DNAI1: variants seen among roughly 807,000 people sequenced by gnomAD.
The protein encoded by DNAI1 is dynein, axonemal, intermediate polypeptide 1.
A neutral mutation model predicts 92.0 loss-of-function variants in DNAI1; 67 were observed. That is an observed-to-expected ratio of 0.73 (90% confidence interval 0.60 to 0.89). The LOEUF (loss-of-function observed/expected upper bound fraction) is 0.89. Ranked by LOEUF, DNAI1 falls within the 40% of genes least tolerant of loss-of-function variation. The pLI is 0.00. For missense variants in DNAI1, 839 were observed against 866.6 expected (o/e 0.97, Z 0.40); for synonymous variants, 323 against 319.6 (o/e 1.01, Z -0.11).
chr9:34,506,633 T>A lies in DNAI1; in HGVS notation c.1070T>A (p.Phe357Tyr), dbSNP rs1471785511. 1 of 1,614,042 alleles carries A rather than the reference T, an allele frequency of 6.2e-7. No individual in the cohort carries two copies. The highest frequency in any genetic ancestry group is 1.1e-5 in the South Asian group (1 of 91,080). ...GCCCATCTTCCCTGGGTAGATGACT[T>A]CATGAAGCAGAGCCGGGGCATGCTG... ...LFAVGYGSYD[F>Y]MKQSRGMLLL... The change falls in exon 13 of 20, where the codon TTC becomes TAC. Residue 357 changes from phenylalanine (F) to tyrosine (Y), a missense_variant. Transcript: ENST00000242317.
At chr9:34,481,389 T>G (rs1824351165) in intron 1 of DNAI1, among the ~76,000 whole-genome samples, 1 of 152,206 alleles carries the variant, frequency 6.6e-6, no homozygotes, top group South Asian at 2.1e-4. Context: ...CATGGGTCAG[T>G]CCCACTGATG....
chr9:34,492,633 C>T lies in DNAI1; in HGVS notation c.682-561C>T, dbSNP rs1385188018. On this transcript the variant is annotated intron_variant, in intron 8 of 19. Transcript: ENST00000242317. The stretch of plus-strand genomic sequence containing the variant: ...CTCCTGGGCTCAAGCGATCCTCCCA[C>T]CTCAGCCTGCTGAGTAGCTGGGACT... Among the ~76,000 whole-genome samples the T allele has an allele frequency of 2.7e-5, 4 of 150,710 alleles. 1 individual carries two copies. In the South Asian group the frequency reaches 8.4e-4, roughly 32 times the overall value.
chr9:34,465,307 A>G (rs1186819423), intron 1 of DNAI1, among the ~76,000 whole-genome samples: 2 of 152,232 alleles, frequency 1.3e-5, no homozygotes, highest in Non-Finnish European at 2.9e-5. Context: ...ACTAGAGCCA[A>G]GTCTCTGAGG....
chr9:34,499,625 C>G (rs1196006905), intron 10 of DNAI1, among the ~76,000 whole-genome samples: 2 of 152,106 alleles, frequency 1.3e-5, no homozygotes, highest in African/African-American at 4.8e-5. Context: ...GAAATTAACT[C>G]TGCTCAAAAG....
chr9:34,470,843 C>A (rs573726802), intron 1 of DNAI1, among the ~76,000 whole-genome samples: 1 of 152,218 alleles, frequency 6.6e-6, no homozygotes, highest in South Asian at 2.1e-4. Context: ...AGTTCAAATG[C>A]ATTTCAAAAG....
intron 19 of DNAI1, among the ~76,000 whole-genome samples, chr9:34,518,647 A>G (rs1419608064): frequency 6.6e-6 from 1 of 152,204 alleles, no homozygotes; most frequent in Non-Finnish European, 1.5e-5. Flanking sequence ...ATGTGTTCTT[A>G]ATTTTCTGAG....
intron 16 of DNAI1, 35 bp from the exon 17 acceptor site, chr9:34,514,359 C>T: frequency 6.2e-7 from 1 of 1,610,490 alleles, no homozygotes; most frequent in Middle Eastern, 1.7e-4. Context: ...GCTGACCTTT[C>T]TCTCACTTCT....
At chr9:34,482,571 C>G (rs1824382437) in intron 1 of DNAI1, among the ~76,000 whole-genome samples, 1 of 151,984 alleles carries the variant, frequency 6.6e-6, no homozygotes, top group African/African-American at 2.4e-5. Context: ...CAGCTAGATA[C>G]AGAGTGTTGA....
intron 13 of DNAI1, among the ~76,000 whole-genome samples, chr9:34,509,899 C>CAAA (rs141472357): frequency 2.9e-5 from 3 of 105,072 alleles, no homozygotes; most frequent in Non-Finnish European, 4.1e-5. Flanking sequence ...GACTCCGTCT[C>CAAA]AAAAAAAAAA....
intron 9 of DNAI1, among the ~76,000 whole-genome samples, chr9:34,494,888 G>A (rs1824685287): frequency 6.6e-6 from 1 of 152,254 alleles, no homozygotes; most frequent in South Asian, 2.1e-4. Context: ...CCAAGTACTG[G>A]GCCAGGCTGT....
intron 12 of DNAI1, among the ~76,000 whole-genome samples, chr9:34,502,974 C>T (rs777248316): frequency 4.4e-4 from 67 of 152,274 alleles, no homozygotes; most frequent in Non-Finnish European, 6.9e-4. Flanking sequence ...CTACACATAA[C>T]GGACAATCAT....
intron 1 of DNAI1, among the ~76,000 whole-genome samples, chr9:34,459,775 T>G (rs1444191771): frequency 3.3e-5 from 5 of 152,242 alleles, no homozygotes; most frequent in African/African-American, 1.2e-4. Context: ...AACCCTTTGC[T>G]GTGTGCCTAG....
At chr9:34,492,498 A>ATC (rs1425764491) in intron 8 of DNAI1, among the ~76,000 whole-genome samples, 10 of 36,660 alleles carry the variant, frequency 2.7e-4, no homozygotes, top group African/African-American at 1.1e-3. Context: ...ATGAAGATAT[A>ATC]TATATATATA....
intron 4 of DNAI1, chr9:34,488,142 GGTT>G (rs745858497): frequency 1.3e-5 from 4 of 298,944 alleles, no homozygotes; most frequent in African/African-American, 2.3e-5. Context: ...TGTGTTAATA[GGTT>G]GTTTTTATTA....
intron 1 of DNAI1, among the ~76,000 whole-genome samples, chr9:34,473,663 T>C (rs1285142255): frequency 2.6e-5 from 4 of 152,162 alleles, no homozygotes; most frequent in African/African-American, 9.7e-5. Context: ...TTAAAACCTA[T>C]TAGCAATTTT....
intron 5 of DNAI1, 69 bp downstream of exon 5, chr9:34,489,518 G>T (rs1369564438): frequency 3.8e-6 from 6 of 1,581,182 alleles, no homozygotes; most frequent in Non-Finnish European, 5.2e-6. Context: ...ACTCTAGGGA[G>T]TATACCTCTA....
intron 1 of DNAI1, among the ~76,000 whole-genome samples, chr9:34,481,414 C>T (rs1329385580): frequency 6.6e-6 from 1 of 152,114 alleles, no homozygotes; most frequent in East Asian, 1.9e-4. Context: ...AACTGGGTTG[C>T]CTCAGATATA....
intron 1 of DNAI1, among the ~76,000 whole-genome samples, chr9:34,464,189 C>G (rs368350639): frequency 3.3e-5 from 5 of 152,104 alleles, no homozygotes; most frequent in African/African-American, 1.2e-4. Context: ...CTCATTCACT[C>G]GTGCCCTTTC....
At chr9:34,517,020 C>T (rs928435734) in intron 18 of DNAI1, among the ~76,000 whole-genome samples, 11 of 152,216 alleles carry the variant, frequency 7.2e-5, no homozygotes, top group South Asian at 4.2e-4. Context: ...GGATTACAGG[C>T]GTCAGTGAGC....
Sources: allele counts gnomAD v4.1 joint callset (sites outside exome capture counted in the v4.1 genomes callset), GRCh38; gene constraint gnomAD v4.1.1; transcripts MANE v1.5; gene names NCBI Gene and HGNC (gene_info 2026-07-23, HGNC 2026-07-21).